The following XKR9 variants were observed in gnomAD, a reference collection of about 807,000 sequenced individuals.
XKR9 encodes XK-related protein 9.
A neutral mutation model predicts 32.0 loss-of-function variants in XKR9; 32 were observed. The ratio of observed to expected loss-of-function variants is 1.00; its 90% CI spans 0.76 to 1.34. The LOEUF (loss-of-function observed/expected upper bound fraction) is 1.34. Among genes scored for constraint, XKR9 ranks in the 40% most tolerant of loss-of-function variants. The pLI is 0.00. For missense variants in XKR9, 546 were observed against 429.7 expected, an observed-to-expected ratio of 1.27 and a Z score of -2.39; for synonymous variants, 168 against 143.4, an observed-to-expected ratio of 1.17 and a Z score of -1.22.
At chr8:70,961,418 G>C in the XKR9 span, among the ~76,000 whole-genome samples, 2 of 152,152 alleles carry the variant, frequency 1.3e-5, no homozygotes, top group East Asian at 3.8e-4. Context: ...AATCCTGGCA[G>C]AGCCATGAAT....
chr8:70,806,947 C>T, the XKR9 span, among the ~76,000 whole-genome samples: 10 of 152,050 alleles, frequency 6.6e-5, no homozygotes, highest in African/African-American at 2.4e-4. Flanking sequence ...AGCAGATCAA[C>T]CCCCAGAGAC....
chr8:70,983,207 C>A, the XKR9 span, among the ~76,000 whole-genome samples: 31 of 152,174 alleles, frequency 2.0e-4, no homozygotes, highest in African/African-American at 7.0e-4. Flanking sequence ...AAATAGCATT[C>A]TTTCCCCTTT....
the XKR9 span, among the ~76,000 whole-genome samples, chr8:70,810,810 A>G: frequency 7.2e-5 from 11 of 152,212 alleles, no homozygotes; most frequent in African/African-American, 1.2e-4. Context: ...GAGACCTACA[A>G]AGAGACTTAG....
At chr8:70,972,633 G>A in the XKR9 span, among the ~76,000 whole-genome samples, 2 of 152,130 alleles carry the variant, frequency 1.3e-5, no homozygotes, top group African/African-American at 4.8e-5. Context: ...CTCAAGTTAT[G>A]TCCCTTCTAT....
chr8:70,765,304 A>G (rs1807360787), intron 2 of XKR9, among the ~76,000 whole-genome samples: 1 of 152,208 alleles, frequency 6.6e-6, no homozygotes, highest in Non-Finnish European at 1.5e-5. Context: ...GTGAGATGGT[A>G]TCTCATTGTG....
downstream of XKR9, among the ~76,000 whole-genome samples, chr8:70,739,161 G>T (rs1806918466): frequency 6.6e-6 from 1 of 151,970 alleles, no homozygotes; most frequent in African/African-American, 2.4e-5. Context: ...CCTGTATTGG[G>T]TGTATATATA....
At chr8:70,721,205 G>A (rs184650331) in intron 4 of XKR9, among the ~76,000 whole-genome samples, 1 of 151,962 alleles carries the variant, frequency 6.6e-6, no homozygotes, top group Non-Finnish European at 1.5e-5. Context: ...TTCTTTATTA[G>A]TCTTGCTAGT....
the XKR9 span, among the ~76,000 whole-genome samples, chr8:70,906,451 G>A: frequency 6.6e-6 from 1 of 152,184 alleles, no homozygotes; most frequent in East Asian, 1.9e-4. Flanking sequence ...GAAAAATATT[G>A]TAACACATTA....
chr8:70,724,127 T>TG (rs1806377213), intron 4 of XKR9, among the ~76,000 whole-genome samples: 2 of 152,294 alleles, frequency 1.3e-5, no homozygotes, highest in East Asian at 3.9e-4. Flanking sequence ...ACAGCCATTT[T>TG]GCTGTGCTGT....
chr8:70,811,328 A>G, the XKR9 span, among the ~76,000 whole-genome samples: 2 of 152,224 alleles, frequency 1.3e-5, no homozygotes, highest in African/African-American at 4.8e-5. Context: ...AATGCCCACA[A>G]GAGAAAGCAG....
At chr8:70,712,462 A>G (rs1375391291) in intron 4 of XKR9, among the ~76,000 whole-genome samples, 1 of 152,102 alleles carries the variant, frequency 6.6e-6, no homozygotes, top group Non-Finnish European at 1.5e-5. Context: ...GGCACAGAAG[A>G]CAAAACTCAG....
the XKR9 span, among the ~76,000 whole-genome samples, chr8:70,990,104 T>C: frequency 6.6e-6 from 1 of 152,222 alleles, no homozygotes; most frequent in African/African-American, 2.4e-5. Context: ...CCACAGTCTT[T>C]ATGTCCTCCA....
the XKR9 span, among the ~76,000 whole-genome samples, chr8:70,887,127 A>G: frequency 6.6e-6 from 1 of 152,154 alleles, no homozygotes; most frequent in Non-Finnish European, 1.5e-5. Context: ...GTCCAGTTCC[A>G]GTTTTCTGCA....
At chr8:70,928,192 A>G in the XKR9 span, among the ~76,000 whole-genome samples, 2 of 152,072 alleles carry the variant, frequency 1.3e-5, no homozygotes, top group Non-Finnish European at 2.9e-5. Context: ...ACAGGCATGC[A>G]CTACCATGCC....
downstream of XKR9, among the ~76,000 whole-genome samples, chr8:70,740,745 T>G (rs963956988): frequency 6.6e-6 from 1 of 152,262 alleles, no homozygotes; most frequent in Non-Finnish European, 1.5e-5. Context: ...AGACCCTGTT[T>G]GCCTGTGTTC....
At chr8:71,020,887 CTT>C in the XKR9 span, among the ~76,000 whole-genome samples, 15 of 152,158 alleles carry the variant, frequency 9.9e-5, no homozygotes, top group African/African-American at 3.1e-4. Context: ...TAGTACCTGT[CTT>C]AGTCTGTTTA....
At chr8:70,818,646 A>G in the XKR9 span, among the ~76,000 whole-genome samples, 2 of 152,296 alleles carry the variant, frequency 1.3e-5, no homozygotes, top group African/African-American at 2.4e-5. Context: ...GTATAGTATT[A>G]TACATCATTT....
At chr8:70,855,806 G>A in the XKR9 span, among the ~76,000 whole-genome samples, 1 of 152,064 alleles carries the variant, frequency 6.6e-6, no homozygotes, top group Non-Finnish European at 1.5e-5. Context: ...AGCCAGAAGA[G>A]AGTGGGGGCC....
At chr8:70,893,809 C>A in the XKR9 span, among the ~76,000 whole-genome samples, 2 of 152,082 alleles carry the variant, frequency 1.3e-5, no homozygotes, top group Admixed American at 1.3e-4. Flanking sequence ...CTACAAGCAG[C>A]AATAACAGTG....
Sources: gnomAD v4.1 joint callset for allele counts (sites outside exome capture counted in the v4.1 genomes callset) on GRCh38, gnomAD v4.1.1 for gene constraint, MANE v1.5 for transcripts, NCBI Gene and HGNC (gene_info 2026-07-23, HGNC 2026-07-21) for gene names.